GINS1: variants seen among roughly 807,000 people sequenced by gnomAD.
The protein encoded by GINS1 is GINS complex subunit 1.
GINS1 carries 26 observed loss-of-function variants against 34.9 expected under a neutral mutation model. The ratio of observed to expected loss-of-function variants is 0.74; its 90% confidence interval spans 0.55 to 1.03. GINS1 has a LOEUF of 1.03. Among genes scored for constraint, GINS1 ranks in the 50% least tolerant of loss-of-function variants. The pLI, the probability that GINS1 is intolerant of heterozygous loss-of-function variation, is 0.00. For missense variants in GINS1, 235 were observed against 237.9 expected (o/e 0.99, Z 0.08); for synonymous variants, 97 against 84.4 (o/e 1.15, Z -0.82).
chr20:25,417,280 T>A, intron 3 of GINS1, 78 bp downstream of exon 3: 2 of 738,132 alleles, frequency 2.7e-6, no homozygotes, highest in Non-Finnish European at 4.8e-6. Context: ...ATGGGTAACA[T>A]GAAATCTTAG....
At chr20:25,441,317 C>T (rs2090480943) in intron 5 of GINS1, among the ~76,000 whole-genome samples, 1 of 152,166 alleles carries the variant, frequency 6.6e-6, no homozygotes, top group Admixed American at 6.6e-5. Context: ...ACCTGTGTCC[C>T]ATTCTCAGAT....
intron 1 of GINS1, 142 bp downstream of exon 1, chr20:25,408,037 A>C: frequency 1.5e-6 from 1 of 661,010 alleles, no homozygotes. Context: ...AACAAAATTC[A>C]GGAGGAAAGA....
chr20:25,445,194 G>A (rs940202859), intron 6 of GINS1, among the ~76,000 whole-genome samples: 1 of 152,034 alleles, frequency 6.6e-6, no homozygotes, highest in African/African-American at 2.4e-5. Context: ...AGCAAATATA[G>A]TTTAACTTTT....
chr20:25,431,434 T>C (rs1170938800), intron 5 of GINS1, among the ~76,000 whole-genome samples: 2 of 152,114 alleles, frequency 1.3e-5, no homozygotes. Context: ...ATTTCCTCCT[T>C]CTAGCTTTAG....
chr20:25,437,995 C>T (rs1237467431), intron 5 of GINS1, among the ~76,000 whole-genome samples: 1 of 151,486 alleles, frequency 6.6e-6, no homozygotes, highest in Non-Finnish European at 1.5e-5. Flanking sequence ...GGCGGGCACC[C>T]GTAATCCCAT....
rs1272677423 is a variant in GINS1 at position 25,448,498 on chromosome 20, G to GT, written c.*2512dup. 1.3e-5 allele frequency: 2 copies of GT among 152,212 alleles called. No homozygotes were observed. Among genetic ancestry groups the GT allele is most frequent in the African/African-American group, 2.4e-5 (1 of 41,452 alleles). 9.4% of individuals were successfully genotyped at this position (152,212 alleles called of 1,614,324 possible). ...TTGCTAAACTGTGAGTTCTCATGGT[G>GT]TTTTTGTAAATTACATCAACAGTCA... On this transcript the variant is annotated 3_prime_UTR_variant, in exon 7 of 7. Coordinates refer to ENST00000262460, the MANE Select transcript of GINS1 (RefSeq NM_021067.5).
intron 4 of GINS1, among the ~76,000 whole-genome samples, chr20:25,418,815 T>C (rs1470219242): frequency 6.6e-6 from 1 of 152,208 alleles, no homozygotes; most frequent in African/African-American, 2.4e-5. Context: ...ACATGACTGA[T>C]TAAATTGCTG....
chr20:25,413,520 T>G (rs1173458071), intron 1 of GINS1: 2 of 408,400 alleles, frequency 4.9e-6, no homozygotes, highest in Non-Finnish European at 8.8e-6. Context: ...AATTACTGAG[T>G]CATATGGTAA....
chr20:25,438,916 G>A (rs1473576381), intron 5 of GINS1, among the ~76,000 whole-genome samples: 1 of 152,098 alleles, frequency 6.6e-6, no homozygotes, highest in Non-Finnish European at 1.5e-5. Context: ...GGTTTCCTTG[G>A]AGAATGTGAG....
intron 5 of GINS1, among the ~76,000 whole-genome samples, chr20:25,439,782 T>C (rs1348567094): frequency 1.3e-5 from 2 of 151,864 alleles, no homozygotes; most frequent in African/African-American, 4.8e-5. Context: ...TCATTTGAGG[T>C]CAGGATTTGA....
chr20:25,411,830 C>T (rs745649112), intron 1 of GINS1, among the ~76,000 whole-genome samples: 3 of 151,954 alleles, frequency 2.0e-5, no homozygotes, highest in Non-Finnish European at 4.4e-5. Flanking sequence ...ATCCCAGCTA[C>T]TTGAGAGGCT....
intron 4 of GINS1, chr20:25,419,706 AG>A: frequency 2.4e-6 from 1 of 409,796 alleles, no homozygotes; most frequent in South Asian, 2.1e-5. Flanking sequence ...TCTGTTGCCC[AG>A]GCTGGAGTAC....
At chr20:25,427,388 C>T (rs141566080) in intron 5 of GINS1, among the ~76,000 whole-genome samples, 8,185 of 151,764 alleles carry the variant, frequency 0.054, 337 homozygotes, top group Non-Finnish European at 0.08. Context: ...AGTAGAGACA[C>T]GGTTTCACCA....
chr20:25,421,000 A>G, intron 4 of GINS1: 1 of 975,382 alleles, frequency 1.0e-6, no homozygotes, highest in Non-Finnish European at 1.2e-6. Flanking sequence ...TATCCCTGAC[A>G]GCTTATAGGA....
At chr20:25,413,174 C>T (rs2090297473) in intron 1 of GINS1, among the ~76,000 whole-genome samples, 1 of 151,930 alleles carries the variant, frequency 6.6e-6, no homozygotes, top group Non-Finnish European at 1.5e-5. Context: ...GCCTCAGCCT[C>T]CTGAATAGCT....
At chr20:25,436,658 G>C (rs1041002011) in intron 5 of GINS1, among the ~76,000 whole-genome samples, 2 of 151,858 alleles carry the variant, frequency 1.3e-5, no homozygotes, top group African/African-American at 4.8e-5. Flanking sequence ...GGTCTTTTTA[G>C]GTTTTCTATT....
In GINS1 at chr20:25,410,657, G is replaced by C. The variant is rs113684488; in HGVS notation, c.75+2762G>C. Among the ~76,000 whole-genome samples the C allele has an allele frequency of 7.2e-3, 1,094 of 152,122 alleles. 7 individuals carry two copies. The highest frequency in any genetic ancestry group is 0.02 in the Middle Eastern group (6 of 294). On this transcript the variant is annotated intron_variant, in intron 1 of 6. Coordinates refer to ENST00000262460, the MANE Select transcript of GINS1 (RefSeq NM_021067.5). ...GGCTCACTGCAACCTCCGCCTTCTG[G>C]GTTAAGCAATTCTCCTGCCTCAGCT... is the stretch of plus-strand genomic sequence containing the variant.
At chr20:25,433,187 G>C (rs2090436689) in intron 5 of GINS1, among the ~76,000 whole-genome samples, 1 of 151,944 alleles carries the variant, frequency 6.6e-6, no homozygotes, top group African/African-American at 2.4e-5. Context: ...TACTGATAAG[G>C]AAGGACTTCT....
chr20:25,408,468 G>A (rs2090261825), intron 1 of GINS1, among the ~76,000 whole-genome samples: 1 of 152,148 alleles, frequency 6.6e-6, no homozygotes, highest in Admixed American at 6.5e-5. Context: ...TGCTGCTGCT[G>A]TTACTATTAA....
Sources: allele counts gnomAD v4.1 joint callset (sites outside exome capture counted in the v4.1 genomes callset), GRCh38; gene constraint gnomAD v4.1.1; transcripts MANE v1.5; gene names NCBI Gene and HGNC (gene_info 2026-07-23, HGNC 2026-07-21).